The following DHRS7B variants were observed in gnomAD, a reference collection of about 807,000 sequenced individuals.
The protein encoded by DHRS7B is dehydrogenase/reductase 7B, also known as peroxisomal reductase activating PPAR-gamma.
DHRS7B carries 24 observed loss-of-function variants against 26.4 expected under a neutral mutation model. The ratio of observed to expected loss-of-function variants is 0.91; its 90% CI spans 0.66 to 1.28. DHRS7B has a LOEUF of 1.28. Ranked by LOEUF, DHRS7B falls within the 50% of genes most tolerant of loss-of-function variation. The pLI is 0.00. For synonymous variants in DHRS7B, 142 were observed against 166.4 expected, an observed-to-expected ratio of 0.85 and a Z score of 1.13; for missense variants, 368 against 419.4, an observed-to-expected ratio of 0.88 and a Z score of 1.07.
intron 3 of DHRS7B, among the ~76,000 whole-genome samples, chr17:21,182,106 T>A (rs1974525832): frequency 6.6e-6 from 1 of 152,348 alleles, no homozygotes; most frequent in South Asian, 2.1e-4. Context: ...GAATTTCTGG[T>A]CTAGTCCTAG....
intron 1 of DHRS7B, among the ~76,000 whole-genome samples, chr17:21,135,118 A>G (rs1011719940): frequency 1.4e-4 from 22 of 152,224 alleles, no homozygotes; most frequent in Admixed American, 4.6e-4. Context: ...GTCAAAGACA[A>G]TTGACAAGGA....
chr17:21,148,270 T>C (rs770205388), intron 1 of DHRS7B, among the ~76,000 whole-genome samples: 16 of 152,144 alleles, frequency 1.1e-4, no homozygotes, highest in Middle Eastern at 3.4e-3. Flanking sequence ...GGAAACTCAA[T>C]GATCTCCAAG....
At chr17:21,186,840 T>C (rs915329350) in intron 5 of DHRS7B, among the ~76,000 whole-genome samples, 2 of 152,156 alleles carry the variant, frequency 1.3e-5, no homozygotes, top group Admixed American at 6.5e-5. Flanking sequence ...TCTATAGCTC[T>C]TCTAGATGAA....
At position 21,178,331 on chromosome 17, in the gene DHRS7B, C is replaced by T. The variant is rs1017736530; in HGVS notation, c.298C>T (p.His100Tyr). ...EELIRELTAS[H>Y]ATKVQTHKPY... ...GCTCATCAGAGAACTCACCGCTTCT[C>T]ATGCCACCAAGGTGAGCCAGGGGCG... The change falls in exon 3 of 7, where the codon CAT (histidine) becomes TAT (tyrosine). Residue 100 changes from histidine to tyrosine, a missense_variant. Transcript: ENST00000395511. 4 of 1,613,844 alleles carry T rather than the reference C, an allele frequency of 2.5e-6. No individual in the cohort carries two copies. Among genetic ancestry groups the T allele is most frequent in the African/African-American group, 1.3e-5 (1 of 74,944 alleles).
chr17:21,169,854 T>C (rs1006238822), intron 1 of DHRS7B, among the ~76,000 whole-genome samples: 8 of 152,042 alleles, frequency 5.3e-5, no homozygotes, highest in Non-Finnish European at 1.0e-4. Context: ...TATCCTTCCC[T>C]GAGCTGAGGC....
At chr17:21,142,072 G>A (rs929552326) in intron 1 of DHRS7B, among the ~76,000 whole-genome samples, 3 of 152,170 alleles carry the variant, frequency 2.0e-5, no homozygotes, top group African/African-American at 7.2e-5. Flanking sequence ...GATAGTGAAG[G>A]GAGTGGCTTT....
chr17:21,137,517 G>C (rs951512490), intron 1 of DHRS7B, among the ~76,000 whole-genome samples: 1 of 151,496 alleles, frequency 6.6e-6, no homozygotes, highest in African/African-American at 2.4e-5. Context: ...GAGTGTAATG[G>C]CATAATATTG....
intron 1 of DHRS7B, among the ~76,000 whole-genome samples, chr17:21,153,278 G>A (rs994950228): frequency 3.3e-5 from 5 of 152,196 alleles, no homozygotes; most frequent in African/African-American, 1.2e-4. Flanking sequence ...GGGCTCAGTA[G>A]ACGGGACATG....
intron 1 of DHRS7B, among the ~76,000 whole-genome samples, chr17:21,168,392 AG>A (rs1974160131): frequency 6.6e-6 from 1 of 152,112 alleles, no homozygotes; most frequent in Non-Finnish European, 1.5e-5. Flanking sequence ...CTTTTGAGAC[AG>A]GGCCTCACTT....
intron 1 of DHRS7B, among the ~76,000 whole-genome samples, chr17:21,130,067 G>A (rs1973195612): frequency 6.6e-6 from 1 of 152,220 alleles, no homozygotes; most frequent in South Asian, 2.1e-4. Context: ...GATAGGGATA[G>A]GGCTGGGGCA....
intron 5 of DHRS7B, among the ~76,000 whole-genome samples, chr17:21,184,909 G>T (rs1022063532): frequency 3.9e-5 from 6 of 152,178 alleles, no homozygotes; most frequent in Non-Finnish European, 5.9e-5. Context: ...AAATGGAATG[G>T]CATTATTCAT....
At chr17:21,180,080 T>C (rs992801575) in intron 3 of DHRS7B, among the ~76,000 whole-genome samples, 7 of 149,998 alleles carry the variant, frequency 4.7e-5, no homozygotes, top group Non-Finnish European at 7.4e-5. Flanking sequence ...TTTCTTTTTT[T>C]TTTTTTTTTT....
rs1974776281 is a variant in DHRS7B at position 21,191,309 on chromosome 17, ACAAT to A, written c.*160_*163del. 1.4e-6 allele frequency: 1 copy of A among 725,672 alleles called. No homozygotes were observed. The highest frequency in any genetic ancestry group is 2.7e-5 in the East Asian group (1 of 37,080). 45.0% of individuals were successfully genotyped at this position (725,672 alleles called of 1,614,324 possible). On this transcript the variant is annotated 3_prime_UTR_variant, in exon 7 of 7. Transcript: ENST00000395511. Reference sequence around the variant, plus strand: ...TCTCGTGCAGATCTGCTGGCAGAGGACAATCAAAAACGACAACAAGCTTCTTCCC... The same window carrying A: ...TCTCGTGCAGATCTGCTGGCAGAGGACAAAAACGACAACAAGCTTCTTCCC...
intron 6 of DHRS7B, among the ~76,000 whole-genome samples, chr17:21,190,611 C>G (rs185883366): frequency 5.9e-5 from 9 of 152,234 alleles, no homozygotes; most frequent in Non-Finnish European, 1.2e-4. Flanking sequence ...TCTGAAGCCC[C>G]CACCCCGGGC....
At chr17:21,176,826 C>T (rs755097497) in intron 2 of DHRS7B, among the ~76,000 whole-genome samples, 1 of 152,076 alleles carries the variant, frequency 6.6e-6, no homozygotes, top group South Asian at 2.1e-4. Flanking sequence ...GAGGTTCTAA[C>T]TTACTGGAGT....
chr17:21,165,178 TC>T (rs945523293), intron 1 of DHRS7B, among the ~76,000 whole-genome samples: 6 of 151,732 alleles, frequency 4.0e-5, no homozygotes, highest in Admixed American at 6.6e-5. Context: ...GGTGGTCTTG[TC>T]CCCCTCCCCC....
intron 1 of DHRS7B, among the ~76,000 whole-genome samples, chr17:21,157,423 A>G (rs1310114911): frequency 1.3e-5 from 2 of 152,168 alleles, no homozygotes; most frequent in Non-Finnish European, 2.9e-5. Flanking sequence ...CAGGCTAGGC[A>G]CAGTGCTCAT....
At chr17:21,184,569 TC>T in intron 5 of DHRS7B, 106 bp downstream of exon 5, 3 of 1,163,322 alleles carry the variant, frequency 2.6e-6, no homozygotes, top group Non-Finnish European at 3.7e-6. Context: ...AAATAAACTA[TC>T]CAGAATGCAA....
chr17:21,145,367 A>T (rs1597735867), intron 1 of DHRS7B, among the ~76,000 whole-genome samples: 1 of 152,300 alleles, frequency 6.6e-6, no homozygotes, highest in East Asian at 1.9e-4. Context: ...AAATTATAGT[A>T]CTTAATGGAG....
Sources: allele counts gnomAD v4.1 joint callset (sites outside exome capture counted in the v4.1 genomes callset), GRCh38; gene constraint gnomAD v4.1.1; transcripts MANE v1.5; gene names NCBI Gene and HGNC (gene_info 2026-07-23, HGNC 2026-07-21).